COL24A1: variants seen among roughly 807,000 people sequenced by gnomAD.
COL24A1 encodes the protein collagen alpha-1(XXIV) chain.
Under a neutral mutation model 253.9 loss-of-function variants are expected in COL24A1, and 224 were observed. That is an observed-to-expected ratio of 0.88 (90% CI 0.79 to 0.99). The LOEUF (loss-of-function observed/expected upper bound fraction) is 0.99. COL24A1 is among the 50% of genes least tolerant of loss of function. The probability of loss-of-function intolerance (pLI) is 0.00; values close to 1 mark genes in which losing one functional copy is unlikely to be tolerated. For missense variants in COL24A1, 2,131 were observed against 2,068.5 expected (o/e 1.03, Z -0.59); for synonymous variants, 685 against 673.7 (o/e 1.02, Z -0.26).
At chr1:86,000,597 C>T (rs1473466040) in intron 19 of COL24A1, among the ~76,000 whole-genome samples, 1 of 152,162 alleles carries the variant, frequency 6.6e-6, no homozygotes. Context: ...CTAGCTTATT[C>T]CAGTTAAGTC....
chr1:86,021,806 C>T (rs6691400), intron 18 of COL24A1, among the ~76,000 whole-genome samples: 46,971 of 151,508 alleles, frequency 0.31, 7,778 homozygotes, highest in Middle Eastern at 0.5. Flanking sequence ...GTCCAAGGGT[C>T]AGGAAAAAAA....
chr1:85,781,999 T>G (rs1008763133), intron 51 of COL24A1, among the ~76,000 whole-genome samples: 1 of 152,220 alleles, frequency 6.6e-6, no homozygotes. Flanking sequence ...TGAAAATAAC[T>G]AATATATTTA....
rs201286403 is a variant in COL24A1 at position 85,907,161 on chromosome 1, G to GC, written c.2778+32_2778+33insG. 403 of 1,563,760 alleles carry GC rather than the reference G, an allele frequency of 2.6e-4. 1 individual carries two copies. The African/African-American group carries it at 4.3e-3, about 17-fold the overall frequency. On this transcript the variant is annotated intron_variant, in intron 28 of 59. Coordinates refer to ENST00000370571, the MANE Select transcript of COL24A1 (RefSeq NM_152890.7). ...CACTATTTATGAAGTAATTTTGGGG[G>GC]GGTTAATGTACTTTTTTCCTTAGAT...
In COL24A1 at chr1:85,938,405, T is replaced by C. The variant is rs1185312780; in HGVS notation, c.2562+22844A>G. Among the ~76,000 whole-genome samples the C allele has an allele frequency of 4.1e-5, 6 of 146,600 alleles. 2 individuals are homozygous for C. The highest frequency in any genetic ancestry group is 6.0e-5 in the Non-Finnish European group (4 of 66,428). Reference sequence around the variant, plus strand: ...TGGCAATCTCTTGAGCCCTTCAATTTCCCTGTGTCCACACCCCAGCAGGCA... The same window carrying C: ...TGGCAATCTCTTGAGCCCTTCAATTCCCCTGTGTCCACACCCCAGCAGGCA... On this transcript the variant is annotated intron_variant, in intron 24 of 59. Coordinates refer to ENST00000370571, the MANE Select transcript of COL24A1 (RefSeq NM_152890.7).
intron 20 of COL24A1, among the ~76,000 whole-genome samples, chr1:85,983,835 T>A (rs928904229): frequency 2.0e-5 from 3 of 151,896 alleles, no homozygotes; most frequent in African/African-American, 7.2e-5. Context: ...TCCTTCTCAA[T>A]CTACAGAACA....
At chr1:85,845,442 A>G (rs895459139) in intron 39 of COL24A1, among the ~76,000 whole-genome samples, 2 of 151,914 alleles carry the variant, frequency 1.3e-5, no homozygotes, top group Non-Finnish European at 2.9e-5. Context: ...TATATCTAAA[A>G]AACAACTGTA....
intron 37 of COL24A1, among the ~76,000 whole-genome samples, chr1:85,867,368 T>C (rs1158647465): frequency 6.6e-6 from 1 of 152,244 alleles, no homozygotes; most frequent in Non-Finnish European, 1.5e-5. Flanking sequence ...ACAGAAGCAC[T>C]GTGGTTTATG....
chr1:85,772,465 C>T (rs1558064030), intron 53 of COL24A1, among the ~76,000 whole-genome samples: 3 of 151,902 alleles, frequency 2.0e-5, no homozygotes, highest in Non-Finnish European at 2.9e-5. Flanking sequence ...GGGTATATAC[C>T]CAAATGACTA....
chr1:86,006,681 T>A (rs1382916078), intron 19 of COL24A1, among the ~76,000 whole-genome samples: 1 of 151,938 alleles, frequency 6.6e-6, no homozygotes, highest in African/African-American at 2.4e-5. Context: ...CAGAAAACAA[T>A]GTCAAGAGAA....
intron 24 of COL24A1, among the ~76,000 whole-genome samples, chr1:85,916,522 A>T (rs892453818): frequency 6.6e-6 from 1 of 152,066 alleles, no homozygotes; most frequent in African/African-American, 2.4e-5. Flanking sequence ...TAATCTATAC[A>T]TAATAATAAT....
chr1:85,872,744 A>T (rs1680674883), intron 35 of COL24A1, among the ~76,000 whole-genome samples: 1 of 152,200 alleles, frequency 6.6e-6, no homozygotes, highest in Admixed American at 6.5e-5. Flanking sequence ...CCTAGAAGAA[A>T]ACCTAGGCAT....
chr1:85,957,443 T>G (rs1341196680), intron 24 of COL24A1, among the ~76,000 whole-genome samples: 1 of 152,202 alleles, frequency 6.6e-6, no homozygotes, highest in East Asian at 1.9e-4. Context: ...ATCAACATTC[T>G]TAGAAAGAAG....
At chr1:86,048,079 T>A (rs907103270) in intron 11 of COL24A1, among the ~76,000 whole-genome samples, 1 of 152,152 alleles carries the variant, frequency 6.6e-6, no homozygotes, top group African/African-American at 2.4e-5. Context: ...CAATCTTTTT[T>A]AAAAAAATAG....
chr1:86,061,156 G>A (rs556371507), intron 8 of COL24A1, among the ~76,000 whole-genome samples: 14 of 152,040 alleles, frequency 9.2e-5, no homozygotes, highest in Admixed American at 3.3e-4. Context: ...TCAAAGGCCC[G>A]TCTCCCTAGT....
intron 39 of COL24A1, among the ~76,000 whole-genome samples, chr1:85,845,266 A>T (rs1191692414): frequency 6.6e-6 from 1 of 151,934 alleles, no homozygotes; most frequent in Non-Finnish European, 1.5e-5. Flanking sequence ...GAGAGAAAGC[A>T]TGGGTTTATC....
At chr1:85,789,623 T>C (rs1307969555) in intron 47 of COL24A1, among the ~76,000 whole-genome samples, 2 of 152,158 alleles carry the variant, frequency 1.3e-5, no homozygotes, top group Non-Finnish European at 2.9e-5. Context: ...ATCCTTGCCT[T>C]GTGCCAGTTT....
intron 37 of COL24A1, among the ~76,000 whole-genome samples, chr1:85,866,348 T>C (rs114940056): frequency 1.1e-3 from 172 of 152,314 alleles, no homozygotes; most frequent in African/African-American, 3.7e-3. Context: ...CTTGTACAAA[T>C]CTCTTAGCTT....
At chr1:85,898,824 T>C (rs1684013225) in intron 28 of COL24A1, among the ~76,000 whole-genome samples, 1 of 151,918 alleles carries the variant, frequency 6.6e-6, no homozygotes, top group Admixed American at 6.6e-5. Context: ...AACTAGAGAG[T>C]ATCCAAGGTG....
At chr1:85,737,562 A>AT in intron 57 of COL24A1, 57 bp from the exon 58 acceptor site, 1 of 1,227,732 alleles carries the variant, frequency 8.1e-7, no homozygotes. Context: ...AATCCTTATA[A>AT]TTTCTTTTTT....
Sources: allele counts gnomAD v4.1 joint callset (sites outside exome capture counted in the v4.1 genomes callset), GRCh38; gene constraint gnomAD v4.1.1; transcripts MANE v1.5; gene names NCBI Gene and HGNC (gene_info 2026-07-23, HGNC 2026-07-21).